AFF1: variants seen among roughly 807,000 people sequenced by gnomAD.
AFF1 encodes ALF transcription elongation factor 1.
AFF1 carries 48 observed loss-of-function variants against 121.7 expected under a neutral mutation model. The observed-to-expected ratio is 0.39, with a 90% CI of 0.31 to 0.50. AFF1 has a LOEUF of 0.50. Among genes scored for constraint, AFF1 ranks in the 20% least tolerant of loss-of-function variants. AFF1 has a pLI of 0.76. For synonymous variants in AFF1, 613 were observed against 563.0 expected, an observed-to-expected ratio of 1.09 and a Z score of -1.26; for missense variants, 1,523 against 1,511.7, an observed-to-expected ratio of 1.01 and a Z score of -0.12.
chr4:87,016,551 CA>C (rs59972369), intron 2 of AFF1, among the ~76,000 whole-genome samples: 7,617 of 88,638 alleles, frequency 0.086, 248 homozygotes, highest in Middle Eastern at 0.2. Flanking sequence ...GACTCTGTCT[CA>C]AAAAAAAAAA....
chr4:87,090,329 T>A (rs1377744933), intron 6 of AFF1, among the ~76,000 whole-genome samples: 1 of 152,246 alleles, frequency 6.6e-6, no homozygotes, highest in Non-Finnish European at 1.5e-5. Context: ...CATTTGAGGA[T>A]CCTTACTTTA....
chr4:86,979,081 G>A (rs901133686), intron 2 of AFF1, among the ~76,000 whole-genome samples: 3 of 151,948 alleles, frequency 2.0e-5, no homozygotes, highest in African/African-American at 4.8e-5. Flanking sequence ...ACTGAATACC[G>A]TCTCCTTTGC....
chr4:87,000,603 C>G (rs971646152), intron 2 of AFF1, among the ~76,000 whole-genome samples: 2 of 76,758 alleles, frequency 2.6e-5, no homozygotes, highest in Admixed American at 1.4e-4. Flanking sequence ...AAAAAATAAA[C>G]TCTGTGTGTG....
intron 2 of AFF1, among the ~76,000 whole-genome samples, chr4:86,989,218 A>G (rs1055557856): frequency 2.0e-5 from 3 of 152,262 alleles, no homozygotes; most frequent in African/African-American, 7.2e-5. Context: ...GCTTCTGCAC[A>G]GCAAAAGAAA....
intron 19 of AFF1, among the ~76,000 whole-genome samples, chr4:87,133,388 G>A (rs1363627517): frequency 6.6e-6 from 1 of 152,074 alleles, no homozygotes; most frequent in African/African-American, 2.4e-5. Flanking sequence ...TCACTTACAC[G>A]ACTGCCCTAT....
intron 4 of AFF1, among the ~76,000 whole-genome samples, chr4:87,078,215 C>G (rs1722857352): frequency 6.6e-6 from 1 of 152,112 alleles, no homozygotes; most frequent in Admixed American, 6.5e-5. Context: ...GAAAACAATG[C>G]AAAACAATTA....
chr4:86,989,858 C>T (rs773000778), intron 2 of AFF1, among the ~76,000 whole-genome samples: 1 of 152,128 alleles, frequency 6.6e-6, no homozygotes, highest in African/African-American at 2.4e-5. Context: ...AAAAAAGGAT[C>T]AGTTCATGTC....
At position 87,095,192 on chromosome 4, in the gene AFF1, C is replaced by T. The variant is rs1204390287; in HGVS notation, c.1283+223C>T. On this transcript the variant is annotated intron_variant, in intron 8 of 20. Transcript: ENST00000395146. ...GGAGTGCAGTGGCATGATCTCGGCT[C>T]ACTGCAATCTCTGCCTCCCGGGCTC... is the stretch of plus-strand genomic sequence containing the variant. Among the ~76,000 whole-genome samples the T allele has an allele frequency of 2.0e-5, 3 of 152,310 alleles. No homozygotes were observed. In the East Asian group the frequency reaches 5.8e-4, roughly 29 times the overall value.
chr4:87,118,963 T>A (rs912787548), intron 12 of AFF1, among the ~76,000 whole-genome samples: 2 of 152,192 alleles, frequency 1.3e-5, no homozygotes, highest in Non-Finnish European at 2.9e-5. Context: ...GGTTTCCCAT[T>A]GGTTCACTCT....
chr4:86,991,833 G>GC (rs1724750317), intron 2 of AFF1, among the ~76,000 whole-genome samples: 1 of 113,676 alleles, frequency 8.8e-6, no homozygotes, highest in South Asian at 2.7e-4. Flanking sequence ...ACTTCAAATT[G>GC]CTTTTTTTTT....
chr4:86,993,386 C>G (rs1724880750), intron 2 of AFF1, among the ~76,000 whole-genome samples: 1 of 152,130 alleles, frequency 6.6e-6, no homozygotes, highest in Admixed American at 6.5e-5. Context: ...GAAAACATCC[C>G]TGCAGAGATT....
intron 7 of AFF1, 105 bp from the exon 8 acceptor site, chr4:87,094,810 G>T: frequency 1.1e-6 from 1 of 949,086 alleles, no homozygotes; most frequent in Non-Finnish European, 1.7e-6. Flanking sequence ...TGTACCAAGT[G>T]CAGTGTGTTT....
chr4:87,002,254 A>G (rs1260629431), intron 2 of AFF1, among the ~76,000 whole-genome samples: 6 of 151,096 alleles, frequency 4.0e-5, no homozygotes, highest in Admixed American at 2.6e-4. Context: ...CACCATGCCC[A>G]GCTAATTACA....
intron 16 of AFF1, among the ~76,000 whole-genome samples, chr4:87,128,450 T>C (rs1728502772): frequency 6.6e-6 from 1 of 152,234 alleles, no homozygotes; most frequent in Non-Finnish European, 1.5e-5. Flanking sequence ...TTTGCTTATG[T>C]AGTGAGTTCC....
intron 4 of AFF1, among the ~76,000 whole-genome samples, chr4:87,083,131 T>A (rs187843340): frequency 2.0e-4 from 31 of 152,298 alleles, no homozygotes; most frequent in African/African-American, 7.5e-4. Flanking sequence ...GAAAAAATAA[T>A]TGATTTTAAT....
chr4:87,102,305 A>C (rs1196349276), intron 8 of AFF1, among the ~76,000 whole-genome samples: 2 of 152,216 alleles, frequency 1.3e-5, no homozygotes, highest in Non-Finnish European at 2.9e-5. Context: ...TAAAGTATAT[A>C]AGGTTTAAAA....
intron 4 of AFF1, among the ~76,000 whole-genome samples, chr4:87,058,944 G>A (rs1720442974): frequency 6.6e-6 from 1 of 152,074 alleles, no homozygotes; most frequent in Admixed American, 6.6e-5. Flanking sequence ...TGACATCTCT[G>A]TAGCATTTGA....
intron 4 of AFF1, chr4:87,049,577 G>GTTT: frequency 1.1e-5 from 4 of 361,000 alleles, no homozygotes; most frequent in African/African-American, 2.2e-5. Context: ...GAAGAATGGG[G>GTTT]TTTTTTTTTT....
intron 7 of AFF1, among the ~76,000 whole-genome samples, chr4:87,094,023 T>C (rs989646343): frequency 6.6e-6 from 1 of 152,078 alleles, no homozygotes; most frequent in African/African-American, 2.4e-5. Context: ...AATACAGTCA[T>C]AACTTCCCAT....
Sources: gnomAD v4.1 joint callset for allele counts (sites outside exome capture counted in the v4.1 genomes callset) on GRCh38, gnomAD v4.1.1 for gene constraint, MANE v1.5 for transcripts, NCBI Gene and HGNC (gene_info 2026-07-23, HGNC 2026-07-21) for gene names.